SFI1: variants seen among roughly 807,000 people sequenced by gnomAD.
SFI1 encodes protein SFI1 homolog.
In SFI1, 195 loss-of-function variants were observed where a neutral mutation model predicts 207.5. The ratio of observed to expected loss-of-function variants is 0.94; its 90% CI spans 0.84 to 1.06. SFI1 has a LOEUF of 1.06. Among genes scored for constraint, SFI1 ranks in the 50% least tolerant of loss-of-function variants. The pLI is 0.00. For synonymous variants in SFI1, 630 were observed against 598.9 expected, an observed-to-expected ratio of 1.05 and a Z score of -0.76; for missense variants, 1,634 against 1,588.0, an observed-to-expected ratio of 1.03 and a Z score of -0.49.
Position 31,538,133 on chromosome 22 carries a change from G to A in SFI1, c.338+7004G>A, listed in dbSNP as rs1433470813. On this transcript the variant is annotated intron_variant, in intron 4 of 32. Transcript: ENST00000400288. ...ACCACAGGCATGCGCCACCATGGCC[G>A]GCTATTTTTTGTATTTTTAGTAGAG... Among the ~76,000 whole-genome samples, 3 of 152,078 alleles carry A rather than the reference G, an allele frequency of 2.0e-5. No individual in the cohort carries two copies. In the East Asian group the frequency reaches 5.8e-4, roughly 29 times the overall value.
chr22:31,570,449 C>CTG (rs10645438), intron 8 of SFI1, among the ~76,000 whole-genome samples: 9,142 of 152,252 alleles, frequency 0.06, 264 homozygotes, highest in African/African-American at 0.069. Flanking sequence ...ATTCTGGACT[C>CTG]TATCTTCAGC....
At chr22:31,565,327 C>T (rs1028403478) in intron 8 of SFI1, among the ~76,000 whole-genome samples, 3 of 151,810 alleles carry the variant, frequency 2.0e-5, no homozygotes, top group African/African-American at 7.3e-5. Context: ...CCCATCTACT[C>T]GGGAGGCTGT....
intron 5 of SFI1, among the ~76,000 whole-genome samples, chr22:31,548,137 G>A (rs918136874): frequency 6.7e-6 from 1 of 149,260 alleles, no homozygotes; most frequent in African/African-American, 2.5e-5. Context: ...GGAGAATGGC[G>A]TGAACCCAGG....
chr22:31,500,277 CAAAAAA>C (rs150915256), intron 1 of SFI1, among the ~76,000 whole-genome samples: 1 of 98,408 alleles, frequency 1.0e-5, no homozygotes, highest in Non-Finnish European at 2.0e-5. Context: ...GACTCTGTCT[CAAAAAA>C]AAAAAAAAAA....
At chr22:31,531,249 T>C in intron 4 of SFI1, 120 bp downstream of exon 4, 1 of 748,270 alleles carries the variant, frequency 1.3e-6, no homozygotes, top group South Asian at 1.8e-5. Flanking sequence ...CAGCCTCCAG[T>C]AGGTAGAAGC....
Position 31,602,685 on chromosome 22 carries a change from G to A in SFI1, c.1705G>A (p.Glu569Lys), listed in dbSNP as rs1307943886. The change falls in exon 17 of 33, where the codon GAG (glutamate) becomes AAG (lysine). Residue 569 changes from glutamate (E) to lysine (K), a missense_variant. Physicochemically the swap from Glu to Lys is moderately conservative, Grantham distance 56. Transcript: ENST00000400288. ...WHQQAAARHQ[E>K]QEWQTVACAH... is the part of the protein sequence containing the mutation. ...CCAGCAGGCAGCAGCACGTCACCAGGAGCAGGAGTGGCAAACAGTGGCCTG... is the reference window on the plus strand; with the variant it reads ...CCAGCAGGCAGCAGCACGTCACCAGAAGCAGGAGTGGCAAACAGTGGCCTG... 12 of 1,614,212 alleles carry A rather than the reference G, an allele frequency of 7.4e-6. No homozygotes were observed. Among genetic ancestry groups the A allele is most frequent in the African/African-American group, 1.3e-5 (1 of 75,036 alleles).
At position 31,606,336 on chromosome 22, in the gene SFI1, T is replaced by C. The variant is rs2068966909; in HGVS notation, c.2063T>C (p.Leu688Ser). 7 of 1,613,710 alleles carry C rather than the reference T, an allele frequency of 4.3e-6. No individual in the cohort carries two copies. The highest frequency in any genetic ancestry group is 5.9e-6 in the Non-Finnish European group (7 of 1,180,014). ...QHNRQLLRGALRRWKENTMAR... is the reference protein window; with the variant it reads ...QHNRQLLRGASRRWKENTMAR... ...CACCCATGCATCTGCAGCGGGGCAT[T>C]ACGTCGCTGGAAAGAGAACACCATG... The change falls in exon 21 of 33, where the codon TTA (leucine) becomes TCA (serine). Residue 688 changes from leucine (L) to serine (S), a missense_variant. Coordinates refer to ENST00000400288, the MANE Select transcript of SFI1 (RefSeq NM_001007467.3).
At chr22:31,519,051 G>A (rs556210824) in intron 2 of SFI1, among the ~76,000 whole-genome samples, 7 of 152,040 alleles carry the variant, frequency 4.6e-5, no homozygotes, top group Non-Finnish European at 8.8e-5. Flanking sequence ...GCATCCTTTT[G>A]CATAAAGATT....
At chr22:31,496,845 G>T (rs995948371) in intron 1 of SFI1, among the ~76,000 whole-genome samples, 7 of 152,160 alleles carry the variant, frequency 4.6e-5, no homozygotes, top group African/African-American at 1.7e-4. Context: ...CGCAGGACGG[G>T]GCCCGGAGCC....
chr22:31,580,197 G>A, intron 11 of SFI1, 75 bp from the exon 12 acceptor site: 2 of 1,146,994 alleles, frequency 1.7e-6, no homozygotes, highest in Non-Finnish European at 2.6e-6. Flanking sequence ...GGCACTGTTT[G>A]CCTTCCTCTA....
intron 15 of SFI1, among the ~76,000 whole-genome samples, chr22:31,594,014 G>A (rs1179014195): frequency 1.5e-5 from 2 of 137,152 alleles, no homozygotes; most frequent in Non-Finnish European, 3.3e-5. Flanking sequence ...GACAGGGAGA[G>A]GGAGAGGGAG....
chr22:31,539,968 C>T (rs957224865), intron 4 of SFI1, among the ~76,000 whole-genome samples: 4 of 150,838 alleles, frequency 2.7e-5, no homozygotes, highest in Middle Eastern at 3.4e-3. Context: ...TGCCTTACCT[C>T]GGCCTCCCAA....
At chr22:31,507,527 TA>T (rs999668227) in intron 1 of SFI1, among the ~76,000 whole-genome samples, 2 of 152,096 alleles carry the variant, frequency 1.3e-5, no homozygotes, top group African/African-American at 4.8e-5. Flanking sequence ...CTAATTAAAC[TA>T]AAGCACTTCT....
At chr22:31,613,014 TCC>T in intron 24 of SFI1, 126 bp from the exon 25 acceptor site, 1 of 932,672 alleles carries the variant, frequency 1.1e-6, no homozygotes, top group Non-Finnish European at 1.6e-6. Flanking sequence ...GGCTGGCCCT[TCC>T]TAGTGGAGGA....
chr22:31,602,073 C>T (rs2068209039), intron 15 of SFI1, 139 bp from the exon 16 acceptor site: 2 of 727,558 alleles, frequency 2.7e-6, no homozygotes, highest in Non-Finnish European at 4.7e-6. Flanking sequence ...ACATGGGCCA[C>T]TGTGCCCAGC....
chr22:31,566,931 T>C lies in SFI1; in HGVS notation c.765+5539T>C, dbSNP rs1321600938. Among the ~76,000 whole-genome samples the C allele has an allele frequency of 3.3e-5, 5 of 152,024 alleles. 1 individual carries two copies. In the South Asian group the frequency reaches 6.2e-4, roughly 19 times the overall value. Reference sequence around the variant, plus strand: ...GGAATTTTTTTTTTCTTTTGAGACATGTCTCACTCTGTCACCCAGGCTGGA... The same window carrying C: ...GGAATTTTTTTTTTCTTTTGAGACACGTCTCACTCTGTCACCCAGGCTGGA... On this transcript the variant is annotated intron_variant, in intron 8 of 32. Transcript: ENST00000400288.
In SFI1 at chr22:31,578,374, C is replaced by T. The variant is rs781244464; in HGVS notation, c.1085-8C>T. The T allele has an allele frequency of 3.7e-6, 6 of 1,612,032 alleles. No homozygotes were observed. Among genetic ancestry groups the T allele is most frequent in the South Asian group, 3.3e-5 (3 of 90,816 alleles). On this transcript the variant is annotated splice_polypyrimidine_tract_variant and splice_region_variant and intron_variant, in intron 10 of 32. Transcript: ENST00000400288. The stretch of plus-strand genomic sequence containing the variant: ...TTGTTGGGACTGGAGGCCTTCACTT[C>T]CTGGCAGACATGCTGCTGTGTGCAG...
At chr22:31,547,777 G>A (rs1293891282) in intron 5 of SFI1, among the ~76,000 whole-genome samples, 1 of 150,630 alleles carries the variant, frequency 6.6e-6, no homozygotes, top group African/African-American at 2.4e-5. Context: ...GTGCCACCAC[G>A]CCTGTAATGG....
At chr22:31,518,535 C>G (rs2056821986) in intron 2 of SFI1, among the ~76,000 whole-genome samples, 1 of 152,074 alleles carries the variant, frequency 6.6e-6, no homozygotes, top group Non-Finnish European at 1.5e-5. Context: ...TCTTCCTGGT[C>G]AGTTTCACTG....
Sources: gnomAD v4.1 joint callset for allele counts (sites outside exome capture counted in the v4.1 genomes callset) on GRCh38, gnomAD v4.1.1 for gene constraint, MANE v1.5 for transcripts, NCBI Gene and HGNC (gene_info 2026-07-23, HGNC 2026-07-21) for gene names.